The following ANTXR1 variants were observed in gnomAD, a reference collection of about 807,000 sequenced individuals.
The protein encoded by ANTXR1 is ANTXR cell adhesion molecule 1, also known as anthrax toxin receptor 1.
In ANTXR1, 19 loss-of-function variants were observed where a neutral mutation model predicts 78.1. The observed-to-expected ratio is 0.24, with a 90% CI of 0.17 to 0.36. The LOEUF is 0.36. Among genes scored for constraint, ANTXR1 ranks in the 10% least tolerant of loss-of-function variants. The pLI, the probability that ANTXR1 is intolerant of heterozygous loss-of-function variation, is 1.00. For missense variants in ANTXR1, 518 were observed against 718.6 expected, an observed-to-expected ratio of 0.72 and a Z score of 3.19; for synonymous variants, 273 against 260.5, an observed-to-expected ratio of 1.05 and a Z score of -0.46.
At chr2:69,103,001 A>T in intron 10 of ANTXR1, 61 bp downstream of exon 10, 1 of 1,493,696 alleles carries the variant, frequency 6.7e-7, no homozygotes, top group Non-Finnish European at 9.3e-7. Context: ...GGGAATTCCC[A>T]CCCTTGTCTT....
chr2:69,062,709 G>A (rs560633759), intron 3 of ANTXR1, among the ~76,000 whole-genome samples: 1 of 152,048 alleles, frequency 6.6e-6, no homozygotes, highest in Non-Finnish European at 1.5e-5. Context: ...AGAAGCAGAG[G>A]AATATTACTC....
intron 10 of ANTXR1, among the ~76,000 whole-genome samples, chr2:69,105,800 C>T (rs1180043406): frequency 6.6e-6 from 1 of 152,098 alleles, no homozygotes; most frequent in African/African-American, 2.4e-5. Flanking sequence ...AAAAAGAGAA[C>T]ATAAGTGCCA....
At chr2:69,215,713 A>G (rs1475641070) in intron 17 of ANTXR1, among the ~76,000 whole-genome samples, 1 of 152,198 alleles carries the variant, frequency 6.6e-6, no homozygotes, top group East Asian at 1.9e-4. Context: ...GGCCCATAGT[A>G]GGTACTTTAA....
chr2:69,182,000 A>G lies in ANTXR1; in HGVS notation c.1185+119A>G, dbSNP rs1674288254. 3 of 957,954 alleles carry G rather than the reference A, an allele frequency of 3.1e-6. 1 individual carries two copies. The highest frequency in any genetic ancestry group is 5.0e-4 in the Middle Eastern group (2 of 4,008). The allele number at this position is 957,954 out of a possible 1,614,324, so 59.3% of individuals were successfully genotyped here. A position where few individuals can be genotyped will look rare whatever the true frequency, so the allele number is the denominator to read the frequency against. ...GGCATGCCCAGGGCAGTATGGCCGT[A>G]GACCACACTGATGACTCAATGTCAG... On this transcript the variant is annotated intron_variant, in intron 15 of 17. Coordinates refer to ENST00000303714, the MANE Select transcript of ANTXR1 (RefSeq NM_032208.3).
In ANTXR1 at chr2:69,232,371, C is replaced by A. The variant is rs540199948; in HGVS notation, c.1435-12854C>A. On this transcript the variant is annotated intron_variant, in intron 17 of 17. Coordinates refer to ENST00000303714, the MANE Select transcript of ANTXR1 (RefSeq NM_032208.3). ...AGAGAGAACATATAATTTTTAGAGT[C>A]CACATATACCACCAAAAATAAAAAT... Among the ~76,000 whole-genome samples the A allele has an allele frequency of 2.0e-4, 30 of 151,522 alleles. 1 individual carries two copies. The South Asian group carries it at 5.9e-3, about 30-fold the overall frequency.
intron 17 of ANTXR1, among the ~76,000 whole-genome samples, chr2:69,220,834 G>A (rs548091065): frequency 1.8e-4 from 27 of 152,152 alleles, no homozygotes; most frequent in Non-Finnish European, 2.6e-4. Context: ...AAGTCCCTAT[G>A]CTCCAGTGAT....
chr2:69,016,222 T>C lies in ANTXR1; in HGVS notation c.152+2571T>C, dbSNP rs748572316. ...AGCACTTGAAATGTAGTTAGTGCGA[T>C]TGAGGAAGTGAATTTTTAATTTTAT... On this transcript the variant is annotated intron_variant, in intron 1 of 17. Coordinates refer to ENST00000303714, the MANE Select transcript of ANTXR1 (RefSeq NM_032208.3). Among the ~76,000 whole-genome samples, 7 of 152,176 alleles carry C rather than the reference T, an allele frequency of 4.6e-5. No homozygotes were observed. In the East Asian group the frequency reaches 5.8e-4, roughly 13 times the overall value.
chr2:69,183,063 G>T (rs1452587766), intron 16 of ANTXR1: 1 of 224,052 alleles, frequency 4.5e-6, no homozygotes, highest in Admixed American at 5.3e-5. Flanking sequence ...TAACCCCAGA[G>T]AGTGACTATA....
At chr2:69,204,242 G>A (rs1674842117) in intron 17 of ANTXR1, among the ~76,000 whole-genome samples, 1 of 152,112 alleles carries the variant, frequency 6.6e-6, no homozygotes, top group African/African-American at 2.4e-5. Flanking sequence ...GAAAGTATTG[G>A]GTTAGATTAT....
chr2:69,194,962 G>A (rs147948735), intron 17 of ANTXR1, among the ~76,000 whole-genome samples: 1,995 of 152,256 alleles, frequency 0.013, 42 homozygotes, highest in South Asian at 0.085. Flanking sequence ...AAGGGCAAGA[G>A]ATCGAGACCA....
At chr2:69,098,001 T>C (rs1391601009) in intron 9 of ANTXR1, among the ~76,000 whole-genome samples, 1 of 152,262 alleles carries the variant, frequency 6.6e-6, no homozygotes, top group Non-Finnish European at 1.5e-5. Context: ...AATTACTTAC[T>C]GCATGATCCT....
chr2:69,123,880 G>A (rs902836547), intron 11 of ANTXR1, among the ~76,000 whole-genome samples: 1 of 152,130 alleles, frequency 6.6e-6, no homozygotes, highest in African/African-American at 2.4e-5. Flanking sequence ...GAGGCTTTAA[G>A]GGAAAAAAGT....
At chr2:69,149,148 G>C (rs1376653714) in intron 12 of ANTXR1, among the ~76,000 whole-genome samples, 1 of 152,190 alleles carries the variant, frequency 6.6e-6, no homozygotes. Context: ...GCAGTCTTCA[G>C]AGGAGGATAA....
chr2:69,138,501 G>C (rs547143116), intron 12 of ANTXR1, among the ~76,000 whole-genome samples: 5 of 152,280 alleles, frequency 3.3e-5, no homozygotes, highest in African/African-American at 1.2e-4. Context: ...TCCTCCCTCT[G>C]TTCCCTACAG....
At chr2:69,182,414 C>A in intron 15 of ANTXR1, 79 bp from the exon 16 acceptor site, 1 of 1,520,626 alleles carries the variant, frequency 6.6e-7, no homozygotes, top group Non-Finnish European at 9.0e-7. Context: ...CATTGCAACT[C>A]ATGCATGTAT....
At position 69,245,621 on chromosome 2, in the gene ANTXR1, A is replaced by G. The variant is rs1676005756; in HGVS notation, c.*136A>G. On this transcript the variant is annotated 3_prime_UTR_variant, in exon 18 of 18. Coordinates refer to ENST00000303714, the MANE Select transcript of ANTXR1 (RefSeq NM_032208.3). ...CTAAAAATTGGTTGGCAATGCCAGT[A>G]TACCAACAATCATGATCAGCTGAAA... The G allele has an allele frequency of 8.3e-7, 1 of 1,205,866 alleles. No homozygotes were observed. Among genetic ancestry groups the G allele is most frequent in the Non-Finnish European group, 1.2e-6 (1 of 859,294 alleles). The allele number at this position is 1,205,866 out of a possible 1,614,324, so 74.7% of individuals were successfully genotyped here.
At chr2:69,099,882 C>T (rs1022450068) in intron 9 of ANTXR1, among the ~76,000 whole-genome samples, 4 of 152,176 alleles carry the variant, frequency 2.6e-5, no homozygotes, top group African/African-American at 9.7e-5. Context: ...AAGGCACAAC[C>T]CAGCATTCAG....
chr2:69,083,213 G>T (rs912278885), intron 8 of ANTXR1, among the ~76,000 whole-genome samples: 3 of 152,310 alleles, frequency 2.0e-5, no homozygotes, highest in South Asian at 2.1e-4. Flanking sequence ...GAACTGCAAA[G>T]GGTTTTCCTG....
intron 17 of ANTXR1, among the ~76,000 whole-genome samples, chr2:69,198,899 C>A (rs1313742136): frequency 6.6e-6 from 1 of 152,086 alleles, no homozygotes; most frequent in Non-Finnish European, 1.5e-5. Context: ...TCTTGAATGC[C>A]TTGAAGTGGA....
Sources: gnomAD v4.1 joint callset for allele counts (sites outside exome capture counted in the v4.1 genomes callset) on GRCh38, gnomAD v4.1.1 for gene constraint, MANE v1.5 for transcripts, NCBI Gene and HGNC (gene_info 2026-07-23, HGNC 2026-07-21) for gene names.